The following MAGED1 variants were observed in gnomAD, a reference collection of about 807,000 sequenced individuals.
MAGED1 encodes MAGE family member D1.
In MAGED1, 3 loss-of-function variants were observed where a neutral mutation model predicts 54.1. That is an observed-to-expected ratio of 0.06 (90% CI 0.03 to 0.14). The LOEUF (loss-of-function observed/expected upper bound fraction) is 0.14. Among genes scored for constraint, MAGED1 ranks in the 10% least tolerant of loss-of-function variants. The pLI is 1.00. For missense variants in MAGED1, 485 were observed against 623.4 expected (o/e 0.78, Z 2.36); for synonymous variants, 217 against 227.3 (o/e 0.95, Z 0.41).
chrX:51,894,847 A>G, intron 2 of MAGED1: 1 of 1,087,651 alleles, frequency 9.2e-7, no homozygotes, highest in Non-Finnish European at 1.2e-6. Context: ...CCCTTGCCCT[A>G]CTTCACCCCT....
chrX:51,898,724 T>A (rs906485390), intron 10 of MAGED1, 81 bp downstream of exon 10: 4 of 894,191 alleles, frequency 4.5e-6, no homozygotes, highest in Admixed American at 3.1e-5. Context: ...CCTTCCTGGC[T>A]GGATACAATG....
upstream of MAGED1, among the ~76,000 whole-genome samples, chrX:51,891,213 CAA>C (rs781879618): frequency 8.9e-6 from 1 of 112,246 alleles, no homozygotes; most frequent in East Asian, 2.8e-4. Context: ...GTGTTAAAAA[CAA>C]GTGTTTGGCA....
At chrX:51,885,347 A>G (rs1928202485) in intron 1 of MAGED1, among the ~76,000 whole-genome samples, 1 of 111,999 alleles carries the variant, frequency 8.9e-6, no homozygotes, top group Admixed American at 9.5e-5. Context: ...TTAAAAATAT[A>G]TTCCCTTGGT....
At chrX:51,898,455 G>A in intron 9 of MAGED1, 126 bp from the exon 10 acceptor site, 2 of 969,369 alleles carry the variant, frequency 2.1e-6, no homozygotes, top group Non-Finnish European at 2.9e-6. Context: ...CCAAAGATGT[G>A]ACCTGGGTGG....
chrX:51,819,964 T>G (rs1925563537), intron 1 of MAGED1, among the ~76,000 whole-genome samples: 1 of 112,050 alleles, frequency 8.9e-6, no homozygotes, highest in South Asian at 3.7e-4. Flanking sequence ...TCTTTTGAGT[T>G]TATTTTTGTA....
intron 1 of MAGED1, among the ~76,000 whole-genome samples, chrX:51,821,783 G>GT (rs1263251855): frequency 3.6e-5 from 4 of 111,107 alleles, no homozygotes; most frequent in South Asian, 7.6e-4. Context: ...TAGTTTAAGG[G>GT]TTTTTTTTAT....
chrX:51,852,229 C>G (rs975675120), intron 1 of MAGED1, among the ~76,000 whole-genome samples: 11 of 111,836 alleles, frequency 9.8e-5, no homozygotes, highest in African/African-American at 3.6e-4. Context: ...TCCTCTGACT[C>G]TGATCCTCCT....
chrX:51,876,216 C>T (rs782704447), intron 1 of MAGED1, among the ~76,000 whole-genome samples: 88 of 110,536 alleles, frequency 8.0e-4, no homozygotes, highest in Non-Finnish European at 1.6e-3. Context: ...ATGTAGTGAT[C>T]ATGGATGGTC....
intron 1 of MAGED1, among the ~76,000 whole-genome samples, chrX:51,886,594 A>G (rs1477606396): frequency 2.8e-5 from 3 of 108,318 alleles, no homozygotes; most frequent in African/African-American, 1.0e-4. Flanking sequence ...AAAACTCACT[A>G]TTTCCAGATG....
intron 2 of MAGED1, 54 bp from the exon 3 acceptor site, chrX:51,894,999 C>G: frequency 1.9e-6 from 2 of 1,054,144 alleles, no homozygotes; most frequent in Non-Finnish European, 2.6e-6. Flanking sequence ...ATTCCCACCC[C>G]ACCTCCTGCC....
intron 2 of MAGED1, chrX:51,894,606 A>AC: frequency 8.6e-7 from 1 of 1,159,630 alleles, no homozygotes; most frequent in Non-Finnish European, 1.2e-6. Context: ...TGGGTAAGGA[A>AC]CCATTTTTTT....
rs960284601 is a variant in MAGED1, at chrX:51,859,145, G to C, written c.-36-35124G>C. ...TCTCACCTTGCTCATTTTTTTTTTA[G>C]GTCAGGATATAATACTGTACCAAGT... On this transcript the variant is annotated intron_variant, in intron 1 of 12. Coordinates refer to the MAGED1 transcript ENST00000375772. 3.7e-5 allele frequency among the ~76,000 whole-genome samples: 4 copies of C among 108,810 alleles called. No individual in the cohort carries two copies. In the South Asian group the frequency reaches 1.2e-3, roughly 32 times the overall value. 94.5% of individuals were successfully genotyped at this position (108,810 alleles called of 115,157 possible). A position where few individuals can be genotyped will look rare whatever the true frequency, so the allele number is the denominator to read the frequency against.
intron 1 of MAGED1, among the ~76,000 whole-genome samples, chrX:51,840,112 G>A (rs1320063390): frequency 8.9e-6 from 1 of 112,087 alleles, no homozygotes; most frequent in Non-Finnish European, 1.9e-5. Flanking sequence ...TGAGAATTTA[G>A]TTGTCAGCTA....
chrX:51,832,249 C>T (rs782661482), intron 1 of MAGED1, among the ~76,000 whole-genome samples: 3 of 111,183 alleles, frequency 2.7e-5, no homozygotes, highest in East Asian at 5.7e-4. Context: ...AGGCTGGTCT[C>T]GAACTCCTAC....
At chrX:51,858,106 G>C (rs1557360355) in intron 1 of MAGED1, 1 of 112,476 alleles carries the variant, frequency 8.9e-6, no homozygotes, top group Non-Finnish European at 1.9e-5. Flanking sequence ...CTGCCAGTGT[G>C]CCAAGCACTA....
chrX:51,831,590 G>A (rs782772533), intron 1 of MAGED1, among the ~76,000 whole-genome samples: 1 of 112,027 alleles, frequency 8.9e-6, no homozygotes, highest in Admixed American at 9.4e-5. Flanking sequence ...TCCAGCCTGG[G>A]CGACAGAGTC....
intron 1 of MAGED1, among the ~76,000 whole-genome samples, chrX:51,822,346 AT>A (rs1395767684): frequency 9.0e-6 from 1 of 111,110 alleles, no homozygotes; most frequent in Non-Finnish European, 1.9e-5. Flanking sequence ...TATTTATAGC[AT>A]TTTTTTATAA....
chrX:51,867,795 G>A (rs2146991913), intron 1 of MAGED1, among the ~76,000 whole-genome samples: 1 of 112,135 alleles, frequency 8.9e-6, no homozygotes, highest in East Asian at 2.8e-4. Flanking sequence ...AAGCAGGAGT[G>A]TTAGTCTATT....
intron 1 of MAGED1, among the ~76,000 whole-genome samples, chrX:51,819,396 A>G (rs782794379): frequency 9.1e-6 from 1 of 109,734 alleles, no homozygotes; most frequent in South Asian, 4.1e-4. Flanking sequence ...CCACCAAGAA[A>G]ATCTTCATTT....
Sources: allele counts gnomAD v4.1 joint callset (sites outside exome capture counted in the v4.1 genomes callset), GRCh38; gene constraint gnomAD v4.1.1; transcripts MANE v1.5; gene names NCBI Gene and HGNC (gene_info 2026-07-23, HGNC 2026-07-21).